OR11A1: variants seen among roughly 807,000 people sequenced by gnomAD.
OR11A1 encodes the protein olfactory receptor family 11 subfamily A member 1.
For synonymous variants in OR11A1, 158 were observed against 152.2 expected (o/e 1.04, Z -0.28); for missense variants, 380 against 378.2 (o/e 1.00, Z -0.04).
At chr6:29,439,892 GA>G (rs1554121358) in intron 1 of OR11A1, 1 of 713,254 alleles carries the variant, frequency 1.4e-6, no homozygotes, top group Non-Finnish European at 2.4e-6. Context: ...TATTCTAATA[GA>G]AAGGGAGATC....
Position 29,426,568 on chromosome 6 carries a change from A to T in OR11A1, c.*126T>A. On this transcript the variant is annotated 3_prime_UTR_variant, in exon 5 of 5. Coordinates refer to ENST00000377149, the MANE Select transcript of OR11A1 (RefSeq NM_001394828.1). ...TTGTTGCCCTATCATTTTCATTTTT[A>T]GTATAACTGCAGAAGAGTTCAAAGA... 1 of 670,010 alleles carries T rather than the reference A, an allele frequency of 1.5e-6. No individual in the cohort carries two copies. The highest frequency in any genetic ancestry group is 2.4e-6 in the Non-Finnish European group (1 of 409,270). The allele number at this position is 670,010 out of a possible 1,614,324, so 41.5% of individuals were successfully genotyped here. A position where few individuals can be genotyped will look rare whatever the true frequency, so the allele number is the denominator to read the frequency against.
At chr6:29,447,793 C>T (rs1784922931) in intron 1 of OR11A1, among the ~76,000 whole-genome samples, 1 of 152,140 alleles carries the variant, frequency 6.6e-6, no homozygotes, top group Non-Finnish European at 1.5e-5. Context: ...TTAATTCTTC[C>T]TGTTTCTGGG....
At chr6:29,440,208 C>G (rs1336164501) in intron 1 of OR11A1, 3 of 1,613,830 alleles carry the variant, frequency 1.9e-6, no homozygotes, top group Non-Finnish European at 2.5e-6. Context: ...CCTGCGCACC[C>G]TCTCGGCCTT....
chr6:29,449,682 G>C (rs538145767), intron 1 of OR11A1, among the ~76,000 whole-genome samples: 1 of 152,140 alleles, frequency 6.6e-6, no homozygotes, highest in East Asian at 1.9e-4. Flanking sequence ...TGACTCCCAG[G>C]CTGGAGTTCA....
chr6:29,437,534 C>T (rs1783731498), intron 1 of OR11A1, among the ~76,000 whole-genome samples: 2 of 142,178 alleles, frequency 1.4e-5, no homozygotes, highest in South Asian at 4.3e-4. Context: ...AGGATCCAGT[C>T]AAAAATCATG....
chr6:29,429,671 G>T (rs1783109505), intron 3 of OR11A1, among the ~76,000 whole-genome samples: 1 of 152,158 alleles, frequency 6.6e-6, no homozygotes, highest in Non-Finnish European at 1.5e-5. Flanking sequence ...ACACACTGAG[G>T]CAAGAAACAA....
chr6:29,449,843 G>C (rs1785165394), intron 1 of OR11A1, among the ~76,000 whole-genome samples: 1 of 151,988 alleles, frequency 6.6e-6, no homozygotes, highest in African/African-American at 2.4e-5. Context: ...TTCCATGTTG[G>C]CCAGGCTGGT....
At position 29,427,430 on chromosome 6, in the gene OR11A1, A is replaced by T; in HGVS notation, c.212T>A (p.Leu71Gln). The stretch of plus-strand genomic sequence containing the variant: ...CACTGCGGAGGTGTAGAGAATATCC[A>T]GGAAGGACAGATTCGCCAAGAAAAT... ...MYIFLANLSFLDILYTSAVMP... is the reference protein window; with the variant it reads ...MYIFLANLSFQDILYTSAVMP... The change falls in exon 5 of 5, where the codon CTG (leucine) becomes CAG (glutamine). Residue 71 changes from leucine (L) to glutamine (Q), a missense_variant. Coordinates refer to ENST00000377149, the MANE Select transcript of OR11A1 (RefSeq NM_001394828.1). 1 of 1,613,148 alleles carries T rather than the reference A, an allele frequency of 6.2e-7. No individual in the cohort carries two copies. Among genetic ancestry groups the T allele is most frequent in the Non-Finnish European group, 8.5e-7 (1 of 1,180,036 alleles).
intron 1 of OR11A1, chr6:29,440,844 T>C (rs1468203107): frequency 6.2e-7 from 1 of 1,613,956 alleles, no homozygotes; most frequent in South Asian, 1.1e-5. Context: ...GTCCCTCTTC[T>C]ATGCTGTGGT....
Position 29,426,821 on chromosome 6 carries a change from AC to A in OR11A1, c.820del (p.Val274SerfsTer16). ...GACCACAGTGTAGAGCAGGGAGAAG[AC>A]CTTGGAGAGGAGCTGGGAATGGACA... ...SAVHSQLLSK[V>X]FSLLYTVVTP... is the part of the protein sequence containing the mutation. On this transcript the variant is annotated frameshift_variant, in exon 5 of 5. Coordinates refer to ENST00000377149, the MANE Select transcript of OR11A1 (RefSeq NM_001394828.1). LOFTEE classifies it low-confidence loss of function (END_TRUNC). The A allele has an allele frequency of 1.2e-6, 2 of 1,612,936 alleles. No homozygotes were observed. Among genetic ancestry groups the A allele is most frequent in the Non-Finnish European group, 1.7e-6 (2 of 1,179,992 alleles).
chr6:29,451,186 T>A (rs1443445439), intron 1 of OR11A1, among the ~76,000 whole-genome samples: 1 of 152,224 alleles, frequency 6.6e-6, no homozygotes, highest in African/African-American at 2.4e-5. Context: ...CCTTTCACCA[T>A]ATGCAAAAGT....
intron 1 of OR11A1, among the ~76,000 whole-genome samples, chr6:29,433,082 T>A (rs1783342321): frequency 6.6e-6 from 1 of 152,246 alleles, no homozygotes; most frequent in Non-Finnish European, 1.5e-5. Context: ...AAATTGTATA[T>A]ATTTATGATG....
intron 1 of OR11A1, among the ~76,000 whole-genome samples, chr6:29,447,120 T>C (rs978416958): frequency 1.4e-4 from 21 of 152,212 alleles, no homozygotes; most frequent in African/African-American, 4.3e-4. Flanking sequence ...GGACTGGCTT[T>C]ACTCCTAATT....
At position 29,427,734 on chromosome 6, in the gene OR11A1, T is replaced by TAAAAC. The variant is rs1194905759; in HGVS notation, c.-91-7_-91-3dup. On this transcript the variant is annotated splice_polypyrimidine_tract_variant and splice_region_variant and intron_variant, in intron 4 of 4. Transcript: ENST00000377149. ...ATACCAAGCCTAACGTTATTAGAGC[T>TAAAAC]AAAACAAAACAAAACAAAAAAGACA... 5.2e-5 allele frequency: 76 copies of TAAAAC among 1,471,910 alleles called. No individual in the cohort carries two copies. The highest frequency in any genetic ancestry group is 6.8e-5 in the Non-Finnish European group (76 of 1,112,770). The allele number at this position is 1,471,910 out of a possible 1,614,324, so 91.2% of individuals were successfully genotyped here. A position where few individuals can be genotyped will look rare whatever the true frequency, so the allele number is the denominator to read the frequency against.
chr6:29,442,854 T>C (rs1463697359), intron 1 of OR11A1, among the ~76,000 whole-genome samples: 1 of 152,230 alleles, frequency 6.6e-6, no homozygotes, highest in Non-Finnish European at 1.5e-5. Flanking sequence ...ATCTAAATCT[T>C]ATCCCCAAGC....
At chr6:29,447,741 G>A (rs1784917799) in intron 1 of OR11A1, among the ~76,000 whole-genome samples, 1 of 152,218 alleles carries the variant, frequency 6.6e-6, no homozygotes, top group Non-Finnish European at 1.5e-5. Flanking sequence ...AAACAAATTA[G>A]TGAAATAAAT....
At chr6:29,448,817 T>A (rs1162628743) in intron 1 of OR11A1, among the ~76,000 whole-genome samples, 1 of 152,220 alleles carries the variant, frequency 6.6e-6, no homozygotes, top group Admixed American at 6.5e-5. Flanking sequence ...TTTCCTGATA[T>A]TACCCAGTAG....
At chr6:29,449,387 A>AGTAT in intron 1 of OR11A1, among the ~76,000 whole-genome samples, 1 of 152,160 alleles carries the variant, frequency 6.6e-6, no homozygotes, top group Non-Finnish European at 1.5e-5. Flanking sequence ...ACCTCCCTAT[A>AGTAT]ATCCTATACT....
Position 29,451,505 on chromosome 6 carries a change from AT to A in OR11A1, c.-389+5481del, listed in dbSNP as rs35424351. On this transcript the variant is annotated intron_variant, in intron 1 of 4. Transcript: ENST00000377149. ...TATAAGGAACTTAAAGAGAAAAAAA[AT>A]TTTTTTTAAATGGGCAAAGGACATG... Among the ~76,000 whole-genome samples the A allele has an allele frequency of 4.0e-3, 608 of 152,096 alleles. 4 individuals are homozygous for A. Among genetic ancestry groups the A allele is most frequent in the African/African-American group, 9.5e-3 (393 of 41,522 alleles).
Sources: gnomAD v4.1 joint callset for allele counts (sites outside exome capture counted in the v4.1 genomes callset) on GRCh38, gnomAD v4.1.1 for gene constraint, MANE v1.5 for transcripts, NCBI Gene and HGNC (gene_info 2026-07-23, HGNC 2026-07-21) for gene names.